Variants in FRMD4A observed in about 807,000 individuals in gnomAD.
FRMD4A encodes FERM domain containing 4A.
A neutral mutation model predicts 129.1 loss-of-function variants in FRMD4A; 29 were observed. That is an observed-to-expected ratio of 0.22 (90% CI 0.17 to 0.31). The LOEUF (loss-of-function observed/expected upper bound fraction) is 0.31, where lower values mean the gene tolerates loss of function less well. Among genes scored for constraint, FRMD4A ranks in the 10% least tolerant of loss-of-function variants. FRMD4A has a pLI of 1.00. For synonymous variants in FRMD4A, 634 were observed against 571.6 expected (o/e 1.11, Z -1.56); for missense variants, 1,272 against 1,375.8 (o/e 0.92, Z 1.19).
intron 2 of FRMD4A, among the ~76,000 whole-genome samples, chr10:14,284,208 C>T (rs1251512356): frequency 2.0e-5 from 3 of 152,126 alleles, no homozygotes; most frequent in Admixed American, 1.3e-4. Flanking sequence ...ATACTGTTCA[C>T]CCTCCTACAG....
chr10:14,045,912 TATC>T (rs1226868066), intron 2 of FRMD4A, among the ~76,000 whole-genome samples: 1 of 147,518 alleles, frequency 6.8e-6, no homozygotes, highest in East Asian at 1.9e-4. Flanking sequence ...ATATTATAAT[TATC>T]ATATTTAATG....
chr10:14,320,844 C>T (rs938739662), intron 2 of FRMD4A, among the ~76,000 whole-genome samples: 2 of 152,174 alleles, frequency 1.3e-5, no homozygotes, highest in African/African-American at 4.8e-5. Context: ...AACTCCTTCC[C>T]ACCCCGGGGC....
intron 2 of FRMD4A, among the ~76,000 whole-genome samples, chr10:13,926,155 C>T (rs563139501): frequency 6.6e-6 from 1 of 152,090 alleles, no homozygotes; most frequent in Non-Finnish European, 1.5e-5. Context: ...TGTGCATTAA[C>T]TAGAAGTGAT....
chr10:14,262,365 A>T (rs1844835639), intron 2 of FRMD4A, among the ~76,000 whole-genome samples: 1 of 152,138 alleles, frequency 6.6e-6, no homozygotes, highest in Non-Finnish European at 1.5e-5. Context: ...CAACTTCATG[A>T]GGTTATTGTG....
At chr10:13,986,587 T>G (rs1477975725) in intron 2 of FRMD4A, among the ~76,000 whole-genome samples, 1 of 147,876 alleles carries the variant, frequency 6.8e-6, no homozygotes, top group African/African-American at 2.5e-5. Flanking sequence ...GCATGGCACA[T>G]GTATACATAT....
At chr10:14,227,270 T>TTA (rs1843476120) in intron 2 of FRMD4A, among the ~76,000 whole-genome samples, 1 of 134,288 alleles carries the variant, frequency 7.4e-6, no homozygotes, top group Non-Finnish European at 1.6e-5. Flanking sequence ...TTTTTTTTTT[T>TTA]AGGCAGAGTC....
chr10:13,678,924 C>A lies in FRMD4A; in HGVS notation c.1118-3880G>T, dbSNP rs543458512. ...TGGGTTGGAAATACTCAATATCCTCCCTCTAGCTATTTGAAGCTATACAAT... is the reference window on the plus strand; with the variant it reads ...TGGGTTGGAAATACTCAATATCCTCACTCTAGCTATTTGAAGCTATACAAT... On this transcript the variant is annotated intron_variant, in intron 15 of 24. Coordinates refer to ENST00000357447, the MANE Select transcript of FRMD4A (RefSeq NM_018027.5). Among the ~76,000 whole-genome samples the A allele has an allele frequency of 1.3e-5, 2 of 152,200 alleles. 1 individual carries two copies. Among genetic ancestry groups the A allele is most frequent in the South Asian group, 4.2e-4 (2 of 4,810 alleles).
intron 8 of FRMD4A, among the ~76,000 whole-genome samples, chr10:13,751,299 C>T (rs1300028638): frequency 6.6e-6 from 1 of 152,174 alleles, no homozygotes; most frequent in African/African-American, 2.4e-5. Flanking sequence ...TGCTCCAGGG[C>T]AAGGTTACAC....
intron 2 of FRMD4A, among the ~76,000 whole-genome samples, chr10:14,260,694 C>T (rs1174559825): frequency 6.6e-6 from 1 of 152,166 alleles, no homozygotes; most frequent in Non-Finnish European, 1.5e-5. Context: ...ATATTCACAA[C>T]CACACAGCCA....
intron 8 of FRMD4A, among the ~76,000 whole-genome samples, chr10:13,752,234 C>T (rs1049708407): frequency 3.3e-5 from 5 of 152,152 alleles, no homozygotes; most frequent in South Asian, 2.1e-4. Context: ...GATGATGTGC[C>T]TGTCTTCTGC....
At chr10:13,959,471 TAAAAAAA>T (rs56192445) in intron 2 of FRMD4A, among the ~76,000 whole-genome samples, 2 of 53,120 alleles carry the variant, frequency 3.8e-5, no homozygotes, top group South Asian at 9.2e-4. Flanking sequence ...GACTGTTTCA[TAAAAAAA>T]AAAAAAAAAA....
chr10:14,280,185 G>A (rs922692982), intron 2 of FRMD4A, among the ~76,000 whole-genome samples: 2 of 152,192 alleles, frequency 1.3e-5, no homozygotes, highest in Admixed American at 1.3e-4. Flanking sequence ...GTGGAGCAAA[G>A]CGGATGGGGG....
At chr10:13,901,608 CA>C (rs35890520) in intron 2 of FRMD4A, among the ~76,000 whole-genome samples, 80,725 of 120,624 alleles carry the variant, frequency 0.67, 24,506 homozygotes, top group Non-Finnish European at 0.7. Context: ...GACTTCATCT[CA>C]AAAAAAAAAA....
At chr10:13,707,490 GC>G in intron 12 of FRMD4A, 10 of 1,013,230 alleles carry the variant, frequency 9.9e-6, no homozygotes, top group Non-Finnish European at 1.2e-5. Context: ...AGCAGGGAAG[GC>G]GGCGGGTGAG....
chr10:13,829,465 G>A (rs2093756570), intron 3 of FRMD4A, among the ~76,000 whole-genome samples: 1 of 152,088 alleles, frequency 6.6e-6, no homozygotes, highest in Non-Finnish European at 1.5e-5. Context: ...ACTCCAGCCT[G>A]GGCAACAGAG....
At chr10:14,057,824 C>G (rs1300855233) in intron 2 of FRMD4A, among the ~76,000 whole-genome samples, 1 of 152,334 alleles carries the variant, frequency 6.6e-6, no homozygotes, top group African/African-American at 2.4e-5. Context: ...CCCATCTTGG[C>G]CTCACAAAGT....
intron 3 of FRMD4A, among the ~76,000 whole-genome samples, chr10:13,846,839 G>C (rs2094054439): frequency 6.6e-6 from 1 of 152,200 alleles, no homozygotes; most frequent in South Asian, 2.1e-4. Flanking sequence ...AGCCTGGAAG[G>C]ATGGATACTC....
At chr10:13,824,206 G>A (rs983499594) in intron 3 of FRMD4A, among the ~76,000 whole-genome samples, 4 of 151,718 alleles carry the variant, frequency 2.6e-5, no homozygotes, top group Non-Finnish European at 5.9e-5. Context: ...GGCTGGGTGC[G>A]GTGTCTCCCG....
At chr10:13,996,328 G>A (rs749417528) in intron 2 of FRMD4A, among the ~76,000 whole-genome samples, 34 of 152,218 alleles carry the variant, frequency 2.2e-4, no homozygotes, top group Non-Finnish European at 4.3e-4. Context: ...CTACATGGGT[G>A]GACCCGGCAC....
Sources: allele counts gnomAD v4.1 joint callset (sites outside exome capture counted in the v4.1 genomes callset), GRCh38; gene constraint gnomAD v4.1.1; transcripts MANE v1.5; gene names NCBI Gene and HGNC (gene_info 2026-07-23, HGNC 2026-07-21).